SOBP: variants seen among roughly 807,000 people sequenced by gnomAD.
The protein encoded by SOBP is sine oculis-binding protein homolog.
SOBP carries 4 observed loss-of-function variants against 53.6 expected under a neutral mutation model. That is an observed-to-expected ratio of 0.07 (90% CI 0.04 to 0.17). The LOEUF (loss-of-function observed/expected upper bound fraction) is 0.17. Among genes scored for constraint, SOBP ranks in the 10% least tolerant of loss-of-function variants. The probability of loss-of-function intolerance (pLI) is 1.00; values close to 1 mark genes in which losing one functional copy is unlikely to be tolerated. For synonymous variants in SOBP, 584 were observed against 522.6 expected (o/e 1.12, Z -1.60); for missense variants, 1,088 against 1,204.7 (o/e 0.90, Z 1.43).
intron 4 of SOBP, among the ~76,000 whole-genome samples, chr6:107,578,134 A>G (rs923568840): frequency 2.0e-5 from 3 of 151,104 alleles, no homozygotes; most frequent in Admixed American, 1.3e-4. Flanking sequence ...TTGGAGTACC[A>G]TCTTTCACAG....
At chr6:107,645,099 C>T (rs1771497803) in intron 6 of SOBP, among the ~76,000 whole-genome samples, 1 of 152,200 alleles carries the variant, frequency 6.6e-6, no homozygotes, top group Non-Finnish European at 1.5e-5. Flanking sequence ...TTTGACAGCA[C>T]TTCTCACTGT....
rs781304784 is a variant in SOBP, at chr6:107,634,552, T to G, written c.1708T>G (p.Ser570Ala). ...ENFIPNAPGD[S>A]AAAGGKPSGH... ...CTTCATTCCGAACGCCCCTGGCGAC[T>G]CCGCGGCGGCGGGCGGCAAGCCAAG... The change falls in exon 6 of 7, where the codon TCC (serine) becomes GCC (alanine). Residue 570 changes from serine to alanine, a missense_variant. Transcript: ENST00000317357. This position sits in a 1 kb window ranked among gnomAD's most constrained non-coding sequence, Gnocchi z 4.5. The G allele has an allele frequency of 6.2e-7, 1 of 1,608,216 alleles. No homozygotes were observed. The highest frequency in any genetic ancestry group is 1.1e-5 in the South Asian group (1 of 91,058).
At chr6:107,652,954 A>T (rs1189856223) in intron 6 of SOBP, among the ~76,000 whole-genome samples, 1 of 152,172 alleles carries the variant, frequency 6.6e-6, no homozygotes, top group African/African-American at 2.4e-5. Context: ...AGTATAGTAT[A>T]AACATAACTT....
At chr6:107,498,084 A>C (rs768417408) in intron 1 of SOBP, among the ~76,000 whole-genome samples, 3 of 152,162 alleles carry the variant, frequency 2.0e-5, no homozygotes, top group Non-Finnish European at 4.4e-5. Context: ...CGTTTAAATA[A>C]ATATTTGTGA....
At chr6:107,570,929 G>C (rs1048023852) in intron 4 of SOBP, among the ~76,000 whole-genome samples, 1 of 152,268 alleles carries the variant, frequency 6.6e-6, no homozygotes, top group African/African-American at 2.4e-5. Flanking sequence ...TTGTGCTTAC[G>C]GTTTTCGTGA....
chr6:107,561,126 T>C (rs1052739166), intron 4 of SOBP, among the ~76,000 whole-genome samples: 1 of 152,186 alleles, frequency 6.6e-6, no homozygotes, highest in Non-Finnish European at 1.5e-5. Context: ...ATCAGTGTAA[T>C]GATTCTGGGT....
intron 5 of SOBP, among the ~76,000 whole-genome samples, chr6:107,592,797 A>G (rs1031764567): frequency 6.6e-6 from 1 of 152,134 alleles, no homozygotes; most frequent in Non-Finnish European, 1.5e-5. Flanking sequence ...TTTTTTCCCC[A>G]GCCATCTCCC....
At chr6:107,592,087 A>C (rs768876898) in intron 5 of SOBP, among the ~76,000 whole-genome samples, 24 of 151,494 alleles carry the variant, frequency 1.6e-4, no homozygotes, top group Non-Finnish European at 3.2e-4. Flanking sequence ...CATACATAAA[A>C]CAAATGACTC....
intron 2 of SOBP, among the ~76,000 whole-genome samples, chr6:107,504,233 C>A (rs371400138): frequency 9.2e-5 from 14 of 152,136 alleles, no homozygotes; most frequent in African/African-American, 3.4e-4. Context: ...TCCTTTTTTT[C>A]AGTGGGAAAT....
intron 5 of SOBP, among the ~76,000 whole-genome samples, chr6:107,604,618 C>G (rs1313926674): frequency 6.6e-6 from 1 of 152,118 alleles, no homozygotes; most frequent in East Asian, 1.9e-4. Flanking sequence ...CCCTCCCCAC[C>G]TCCTTCTCTT....
intron 5 of SOBP, among the ~76,000 whole-genome samples, chr6:107,592,882 G>C (rs1462605456): frequency 6.6e-6 from 1 of 152,146 alleles, no homozygotes; most frequent in African/African-American, 2.4e-5. Flanking sequence ...GAACTTTCCA[G>C]AAATAAAAGT....
Position 107,634,310 on chromosome 6 carries a change from C to T in SOBP, c.1466C>T (p.Pro489Leu). The change falls in exon 6 of 7, where the codon CCC (proline) becomes CTC (leucine). Residue 489 changes from proline to leucine, a missense_variant. By Grantham distance (98) the Pro-to-Leu change is moderately conservative. Transcript: ENST00000317357. This position sits in a 1 kb window ranked among gnomAD's most constrained non-coding sequence, Gnocchi z 4.5. ...CCGGGCGCCCCGCTGCCGAGTCTTCCCTTCCCGCCAGTGAGCATGATGCCA... is the reference window on the plus strand; with the variant it reads ...CCGGGCGCCCCGCTGCCGAGTCTTCTCTTCCCGCCAGTGAGCATGATGCCA... ...PPPGAPLPSLPFPPVSMMPNG... is the reference protein window; with the variant it reads ...PPPGAPLPSLLFPPVSMMPNG... The T allele has an allele frequency of 6.4e-7, 1 of 1,574,636 alleles. No individual in the cohort carries two copies. Among genetic ancestry groups the T allele is most frequent in the South Asian group, 1.1e-5 (1 of 88,004 alleles).
At chr6:107,494,977 G>GC (rs1387485072) in intron 1 of SOBP, among the ~76,000 whole-genome samples, 2 of 152,186 alleles carry the variant, frequency 1.3e-5, no homozygotes, top group African/African-American at 4.8e-5. Context: ...AGAAATCAGA[G>GC]CATGGACTGG....
At chr6:107,581,575 A>G (rs1026755677) in intron 4 of SOBP, among the ~76,000 whole-genome samples, 1 of 152,208 alleles carries the variant, frequency 6.6e-6, no homozygotes, top group African/African-American at 2.4e-5. Context: ...CAAGTTCACA[A>G]AGACATTCAC....
chr6:107,529,507 C>G, intron 3 of SOBP: 1 of 985,348 alleles, frequency 1.0e-6, no homozygotes. Flanking sequence ...CGGAATTTCC[C>G]CTCAGTCTTG....
Position 107,490,470 on chromosome 6 carries a change from C to T in SOBP, c.-147C>T, listed in dbSNP as rs986033638. The T allele has an allele frequency of 6.5e-6, 4 of 613,406 alleles. No individual in the cohort carries two copies. Among genetic ancestry groups the T allele is most frequent in the Admixed American group, 2.8e-5 (1 of 35,188 alleles). The allele number at this position is 613,406 out of a possible 1,614,324, so 38.0% of individuals were successfully genotyped here. A position where few individuals can be genotyped will look rare whatever the true frequency, so the allele number is the denominator to read the frequency against. ...CCGCTTCTCGGCGCCTGCCCTCCCC[C>T]TCGCGGCTCGGTCCGGCCCCGCCAG... On this transcript the variant is annotated 5_prime_UTR_variant, in exon 1 of 7. Coordinates refer to ENST00000317357, the MANE Select transcript of SOBP (RefSeq NM_018013.4).
intron 4 of SOBP, among the ~76,000 whole-genome samples, chr6:107,571,037 A>G (rs1171817664): frequency 6.6e-6 from 1 of 152,226 alleles, no homozygotes; most frequent in African/African-American, 2.4e-5. Flanking sequence ...TCTCCTGATC[A>G]GTGGATCTGG....
chr6:107,578,748 A>G (rs893535295), intron 4 of SOBP, among the ~76,000 whole-genome samples: 1 of 152,200 alleles, frequency 6.6e-6, no homozygotes, highest in African/African-American at 2.4e-5. Flanking sequence ...CCAGAACAGC[A>G]TCTTAATCTG....
At chr6:107,552,669 C>T (rs574880048) in intron 4 of SOBP, among the ~76,000 whole-genome samples, 1 of 152,154 alleles carries the variant, frequency 6.6e-6, no homozygotes. Flanking sequence ...AACCATGGCA[C>T]GAGGCACATC....
Sources: gnomAD v4.1 joint callset for allele counts (sites outside exome capture counted in the v4.1 genomes callset) on GRCh38, gnomAD v4.1.1 for gene constraint, Gnocchi (gnomAD v3.1) non-coding constraint, MANE v1.5 for transcripts, NCBI Gene and HGNC (gene_info 2026-07-23, HGNC 2026-07-21) for gene names.